The following EPHA6 variants were observed in gnomAD, a reference collection of about 807,000 sequenced individuals.
EPHA6 encodes the protein EPH receptor A6, also known as ephrin type-A receptor 6.
A neutral mutation model predicts 112.0 loss-of-function variants in EPHA6; 50 were observed. The ratio of observed to expected loss-of-function variants is 0.45; its 90% confidence interval spans 0.36 to 0.56. EPHA6 has a LOEUF of 0.56. Among genes scored for constraint, EPHA6 ranks in the 20% least tolerant of loss-of-function variants. The probability of loss-of-function intolerance (pLI) is 0.00; values close to 1 mark genes in which losing one functional copy is unlikely to be tolerated. For synonymous variants in EPHA6, 529 were observed against 490.7 expected (o/e 1.08, Z -1.03); for missense variants, 1,280 against 1,417.4 (o/e 0.90, Z 1.56).
intron 6 of EPHA6, among the ~76,000 whole-genome samples, chr3:97,408,513 T>C (rs2107096255): frequency 6.6e-6 from 1 of 152,192 alleles, no homozygotes; most frequent in Non-Finnish European, 1.5e-5. Context: ...TCTTAGTCTG[T>C]TTCGGCTATG....
intron 3 of EPHA6, among the ~76,000 whole-genome samples, chr3:97,185,272 A>G (rs1451722046): frequency 6.6e-6 from 1 of 152,202 alleles, no homozygotes; most frequent in African/African-American, 2.4e-5. Flanking sequence ...ATCAGAGTGA[A>G]CAGGCAACCT....
intron 2 of EPHA6, among the ~76,000 whole-genome samples, chr3:96,971,639 A>G (rs1258111515): frequency 6.6e-6 from 1 of 152,182 alleles, no homozygotes; most frequent in Admixed American, 6.6e-5. Context: ...GACTTCTTTA[A>G]CAAGCTTTAC....
chr3:97,536,535 C>T (rs2092766745), intron 11 of EPHA6, among the ~76,000 whole-genome samples: 1 of 152,126 alleles, frequency 6.6e-6, no homozygotes, highest in African/African-American at 2.4e-5. Context: ...TTCCATGAGA[C>T]AGTATTGAAG....
intron 2 of EPHA6, among the ~76,000 whole-genome samples, chr3:96,951,496 A>G (rs1025315691): frequency 1.3e-5 from 2 of 152,128 alleles, no homozygotes; most frequent in African/African-American, 4.8e-5. Flanking sequence ...TATATTTTCT[A>G]TTAAGAATAT....
chr3:97,025,552 C>G (rs151010628), intron 3 of EPHA6, among the ~76,000 whole-genome samples: 3 of 152,124 alleles, frequency 2.0e-5, no homozygotes, highest in Non-Finnish European at 2.9e-5. Flanking sequence ...AATCTTTGCC[C>G]GTGCCTATGT....
At chr3:97,664,320 G>A (rs1177359089) in intron 14 of EPHA6, among the ~76,000 whole-genome samples, 1 of 152,150 alleles carries the variant, frequency 6.6e-6, no homozygotes, top group East Asian at 1.9e-4. Flanking sequence ...CTTTTGCTGT[G>A]CAGAAGCTCT....
intron 11 of EPHA6, among the ~76,000 whole-genome samples, chr3:97,571,253 G>A (rs1463099328): frequency 6.6e-6 from 1 of 152,004 alleles, no homozygotes; most frequent in African/African-American, 2.4e-5. Context: ...TAGAAGCAGA[G>A]GGACCAATTA....
intron 3 of EPHA6, among the ~76,000 whole-genome samples, chr3:97,058,653 T>C (rs377358180): frequency 4.6e-5 from 7 of 152,152 alleles, no homozygotes; most frequent in African/African-American, 1.7e-4. Flanking sequence ...TCAATATAGG[T>C]ATTCAAATGA....
chr3:97,427,921 G>C (rs1187178180), intron 6 of EPHA6, among the ~76,000 whole-genome samples: 1 of 152,138 alleles, frequency 6.6e-6, no homozygotes, highest in Non-Finnish European at 1.5e-5. Context: ...CTACTTGAGG[G>C]TTGAGGGTGG....
intron 3 of EPHA6, among the ~76,000 whole-genome samples, chr3:97,097,121 A>G (rs946785107): frequency 1.3e-5 from 2 of 151,812 alleles, no homozygotes; most frequent in African/African-American, 4.8e-5. Context: ...AGCTGAAAGA[A>G]TTTGAATGTT....
chr3:96,979,720 C>T (rs2042680292), intron 2 of EPHA6, among the ~76,000 whole-genome samples: 1 of 152,110 alleles, frequency 6.6e-6, no homozygotes, highest in Non-Finnish European at 1.5e-5. Context: ...CTGTTGTTTC[C>T]TGACTTTTTA....
chr3:97,442,013 G>A (rs1405289784), intron 6 of EPHA6, among the ~76,000 whole-genome samples: 1 of 151,992 alleles, frequency 6.6e-6, no homozygotes, highest in Admixed American at 6.6e-5. Context: ...TTATGATTTG[G>A]CTAGAGTAGA....
At chr3:97,025,761 G>T (rs571429782) in intron 3 of EPHA6, among the ~76,000 whole-genome samples, 3 of 151,970 alleles carry the variant, frequency 2.0e-5, no homozygotes, top group Non-Finnish European at 4.4e-5. Flanking sequence ...GCTAATCTTT[G>T]TATTTTTAGT....
chr3:97,610,299 A>C (rs1198923565), intron 12 of EPHA6, among the ~76,000 whole-genome samples: 3 of 151,562 alleles, frequency 2.0e-5, no homozygotes, highest in South Asian at 2.1e-4. Context: ...GATGGTTTAT[A>C]ATTTCTTTGA....
At chr3:97,523,241 G>A (rs943034683) in intron 10 of EPHA6, among the ~76,000 whole-genome samples, 2 of 152,096 alleles carry the variant, frequency 1.3e-5, no homozygotes, top group African/African-American at 4.8e-5. Flanking sequence ...ATTTTCATTT[G>A]TCCGAGGATA....
intron 5 of EPHA6, among the ~76,000 whole-genome samples, chr3:97,254,708 T>G (rs74906538): frequency 0.011 from 1,738 of 152,280 alleles, 32 homozygotes; most frequent in African/African-American, 0.039. Flanking sequence ...CTCAAATAAA[T>G]ATTATTTTTA....
chr3:96,909,279 A>C (rs1298312588), intron 2 of EPHA6, among the ~76,000 whole-genome samples: 3 of 151,946 alleles, frequency 2.0e-5, no homozygotes, highest in African/African-American at 4.8e-5. Flanking sequence ...AGCAAACAAC[A>C]ATTGTGTTTT....
intron 3 of EPHA6, among the ~76,000 whole-genome samples, chr3:96,993,188 G>T (rs2043278198): frequency 1.3e-5 from 2 of 152,068 alleles, no homozygotes; most frequent in Admixed American, 6.6e-5. Context: ...ACTGAGAACA[G>T]AATTTAATTT....
chr3:97,555,734 A>G (rs2093097997), intron 11 of EPHA6, among the ~76,000 whole-genome samples: 1 of 152,202 alleles, frequency 6.6e-6, no homozygotes, highest in Admixed American at 6.5e-5. Context: ...TCTTTTGAGA[A>G]GTGTCTGTTC....
Sources: gnomAD v4.1 joint callset for allele counts (sites outside exome capture counted in the v4.1 genomes callset) on GRCh38, gnomAD v4.1.1 for gene constraint, MANE v1.5 for transcripts, NCBI Gene and HGNC (gene_info 2026-07-23, HGNC 2026-07-21) for gene names.